LSM8: variants seen among roughly 807,000 people sequenced by gnomAD.
The protein encoded by LSM8 is LSM8 U6 small nuclear RNA associated.
A neutral mutation model predicts 15.0 loss-of-function variants in LSM8; 14 were observed. That is an observed-to-expected ratio of 0.93 (90% CI 0.62 to 1.46). LSM8 has a LOEUF of 1.46. Among genes scored for constraint, LSM8 ranks in the 40% most tolerant of loss-of-function variants. The pLI is 0.00. For missense variants in LSM8, 90 were observed against 115.4 expected, an observed-to-expected ratio of 0.78 and a Z score of 1.01; for synonymous variants, 50 against 42.1, an observed-to-expected ratio of 1.19 and a Z score of -0.73.
rs1809134609 is a variant in LSM8, at chr7:118,199,422, G to A, written c.*7420G>A. ...CATTGAACAGAATTGGTAACCTGAA[G>A]GAGAAACTGGAGGCAAATTGTTTCA... On this transcript the variant is annotated 3_prime_UTR_variant, in exon 4 of 4. Transcript: ENST00000249299. Among the ~76,000 whole-genome samples the A allele has an allele frequency of 1.3e-5, 2 of 152,248 alleles. No homozygotes were observed. The highest frequency in any genetic ancestry group is 4.1e-4 in the South Asian group (2 of 4,824).
rs538452809 is a variant in LSM8 at position 118,194,050 on chromosome 7, C to T, written c.*2048C>T. Among the ~76,000 whole-genome samples the T allele has an allele frequency of 6.0e-4, 91 of 152,228 alleles. 1 individual carries two copies. Among genetic ancestry groups the T allele is most frequent in the Non-Finnish European group, 5.9e-5 (4 of 67,950 alleles). On this transcript the variant is annotated 3_prime_UTR_variant, in exon 4 of 4. Transcript: ENST00000249299. ...CTATGTAATTCTTTATTCCTGGATA[C>T]AAGCACATGGTGGACTGTTTTCTCA...
rs565575071 is a variant in LSM8 at position 118,193,994 on chromosome 7, C to T, written c.*1992C>T. On this transcript the variant is annotated 3_prime_UTR_variant, in exon 4 of 4. Transcript: ENST00000249299. ...GAATTATTGTTTTTATGAATAGTTACAGAGGATGTGATGACAATATGCCAG... is the reference window on the plus strand; with the variant it reads ...GAATTATTGTTTTTATGAATAGTTATAGAGGATGTGATGACAATATGCCAG... 2.0e-5 allele frequency among the ~76,000 whole-genome samples: 3 copies of T among 151,976 alleles called. No homozygotes were observed. Among genetic ancestry groups the T allele is most frequent in the Non-Finnish European group, 2.9e-5 (2 of 67,938 alleles).
Position 118,194,963 on chromosome 7 carries a change from A to G in LSM8, c.*2961A>G, listed in dbSNP as rs1279623972. Reference sequence around the variant, plus strand: ...TAGTAAGTAACAGTGCTCAAATTCAACTAGGTCTTTCAGCTTTTTATACAA... The same window carrying G: ...TAGTAAGTAACAGTGCTCAAATTCAGCTAGGTCTTTCAGCTTTTTATACAA... On this transcript the variant is annotated 3_prime_UTR_variant, in exon 4 of 4. Transcript: ENST00000249299. Among the ~76,000 whole-genome samples the G allele has an allele frequency of 6.6e-6, 1 of 152,178 alleles. No homozygotes were observed. Among genetic ancestry groups the G allele is most frequent in the East Asian group, 1.9e-4 (1 of 5,196 alleles).
rs1809198651 is a variant in LSM8 at position 118,203,362 on chromosome 7, T to G, written c.*11360T>G. ...GAAGATACTAATATTTCTGATATCA[T>G]ATAGGAGTAAAAATTGCGGGGAGGT... On this transcript the variant is annotated 3_prime_UTR_variant, in exon 4 of 4. Transcript: ENST00000249299. Among the ~76,000 whole-genome samples, 1 of 151,874 alleles carries G rather than the reference T, an allele frequency of 6.6e-6. No homozygotes were observed. Among genetic ancestry groups the G allele is most frequent in the African/African-American group, 2.4e-5 (1 of 41,408 alleles).
Position 118,201,488 on chromosome 7 carries a change from C to G in LSM8, c.*9486C>G, listed in dbSNP as rs1042906712. 6.6e-6 allele frequency among the ~76,000 whole-genome samples: 1 copy of G among 152,024 alleles called. No individual in the cohort carries two copies. The highest frequency in any genetic ancestry group is 6.6e-5 in the Admixed American group (1 of 15,240). On this transcript the variant is annotated 3_prime_UTR_variant, in exon 4 of 4. Coordinates refer to ENST00000249299, the MANE Select transcript of LSM8 (RefSeq NM_016200.5). ...AAACGGTTCCTTTGCATCAATAAAT[C>G]GCTCTGTGATGCATTTTATAATGTA... is the stretch of plus-strand genomic sequence containing the variant.
rs1027290881 is a variant in LSM8, at chr7:118,194,799, C to T, written c.*2797C>T. On this transcript the variant is annotated 3_prime_UTR_variant, in exon 4 of 4. Transcript: ENST00000249299. ...ACAATATAGTTAGTATATTCTGGGCCTTCATCTTCAAAATTAGTAGGTAGT... is the reference window on the plus strand; with the variant it reads ...ACAATATAGTTAGTATATTCTGGGCTTTCATCTTCAAAATTAGTAGGTAGT... Among the ~76,000 whole-genome samples, 44 of 152,036 alleles carry T rather than the reference C, an allele frequency of 2.9e-4. No individual in the cohort carries two copies. The highest frequency in any genetic ancestry group is 1.1e-3 in the African/African-American group (44 of 41,480).
chr7:118,188,473 C>CA, intron 3 of LSM8, 68 bp downstream of exon 3: 1 of 1,395,294 alleles, frequency 7.2e-7, no homozygotes, highest in Non-Finnish European at 9.9e-7. Flanking sequence ...AGGCTTTCCC[C>CA]AAAATACCCT....
Position 118,200,587 on chromosome 7 carries a change from A to G in LSM8, c.*8585A>G, listed in dbSNP as rs189900552. Among the ~76,000 whole-genome samples the G allele has an allele frequency of 6.6e-6, 1 of 152,250 alleles. No homozygotes were observed. The highest frequency in any genetic ancestry group is 6.5e-5 in the Admixed American group (1 of 15,272). ...ATGCGGAGAACATGGCTAACCATTC[A>G]GGACCATTTAATTATCAAATTATTA... On this transcript the variant is annotated 3_prime_UTR_variant, in exon 4 of 4. Transcript: ENST00000249299.
intron 3 of LSM8, chr7:118,189,969 A>G (rs1808951430): frequency 6.6e-6 from 1 of 152,228 alleles, no homozygotes; most frequent in Non-Finnish European, 1.5e-5. Flanking sequence ...GTATAGTTAT[A>G]GAGGCTAGAA....
rs1186357341 is a variant in LSM8 at position 118,197,756 on chromosome 7, T to G, written c.*5754T>G. Among the ~76,000 whole-genome samples the G allele has an allele frequency of 6.6e-6, 1 of 152,152 alleles. No individual in the cohort carries two copies. The highest frequency in any genetic ancestry group is 6.5e-5 in the Admixed American group (1 of 15,274). ...ATTGTTGATTAGGGTCTTGGGCTAG[T>G]CCAGTGTAGCATGGCAGTGAAAGGC... On this transcript the variant is annotated 3_prime_UTR_variant, in exon 4 of 4. Transcript: ENST00000249299.
intron 3 of LSM8, chr7:118,190,966 G>GTGGTGGCATGCGCC (rs1808969692): frequency 6.6e-6 from 1 of 152,146 alleles, no homozygotes; most frequent in Non-Finnish European, 1.5e-5. Context: ...TTAGCCGGGT[G>GTGGTGGCATGCGCC]TGGTGGCATG....
intron 3 of LSM8, chr7:118,190,029 T>A (rs937708046): frequency 6.6e-6 from 1 of 152,088 alleles, no homozygotes; most frequent in Non-Finnish European, 1.5e-5. Flanking sequence ...CAAAATATAG[T>A]TGGAAAGAAG....
chr7:118,194,982 T>G lies in LSM8; in HGVS notation c.*2980T>G, dbSNP rs1050859123. On this transcript the variant is annotated 3_prime_UTR_variant, in exon 4 of 4. Transcript: ENST00000249299. ...AATTCAACTAGGTCTTTCAGCTTTT[T>G]ATACAATACTGCCTGTTATCAGAAA... Among the ~76,000 whole-genome samples, 1 of 152,200 alleles carries G rather than the reference T, an allele frequency of 6.6e-6. No individual in the cohort carries two copies. The highest frequency in any genetic ancestry group is 2.4e-5 in the African/African-American group (1 of 41,456).
chr7:118,184,194 G>T lies in LSM8; in HGVS notation c.-30G>T. ...AGTTCTGCTTGCTGTCGGCACCGCTGCGTTACCCGGAACCGCCGGGCCGAA... is the reference window on the plus strand; with the variant it reads ...AGTTCTGCTTGCTGTCGGCACCGCTTCGTTACCCGGAACCGCCGGGCCGAA... On this transcript the variant is annotated 5_prime_UTR_variant, in exon 1 of 4. Transcript: ENST00000249299. The T allele has an allele frequency of 1.3e-6, 2 of 1,543,628 alleles. No homozygotes were observed. The highest frequency in any genetic ancestry group is 1.7e-6 in the Non-Finnish European group (2 of 1,143,412).
At position 118,198,242 on chromosome 7, in the gene LSM8, GTTAGA is replaced by G. The variant is rs1373376333; in HGVS notation, c.*6243_*6247del. ...GTCAAAGTGATTAAGTTATAAAAAG[GTTAGA>G]TTTCTTTGGTGTGAAAAGATAAATG... is the stretch of plus-strand genomic sequence containing the variant. On this transcript the variant is annotated 3_prime_UTR_variant, in exon 4 of 4. Transcript: ENST00000249299. Among the ~76,000 whole-genome samples the G allele has an allele frequency of 6.6e-6, 1 of 152,172 alleles. No individual in the cohort carries two copies. Among genetic ancestry groups the G allele is most frequent in the Non-Finnish European group, 1.5e-5 (1 of 68,030 alleles).
chr7:118,200,159 C>T lies in LSM8; in HGVS notation c.*8157C>T. ...TCAAGCAACATGTTTTTCTGACTTC[C>T]AAATATAAACAACCTAAGCATTGTG... On this transcript the variant is annotated 3_prime_UTR_variant, in exon 4 of 4. Transcript: ENST00000249299. Among the ~76,000 whole-genome samples, 1 of 152,104 alleles carries T rather than the reference C, an allele frequency of 6.6e-6. No homozygotes were observed. Among genetic ancestry groups the T allele is most frequent in the East Asian group, 1.9e-4 (1 of 5,188 alleles).
rs1200159305 is a variant in LSM8 at position 118,198,215 on chromosome 7, G to C, written c.*6213G>C. Among the ~76,000 whole-genome samples the C allele has an allele frequency of 6.6e-6, 1 of 152,138 alleles. No individual in the cohort carries two copies. The highest frequency in any genetic ancestry group is 1.5e-5 in the Non-Finnish European group (1 of 68,018). ...GAGAAAGTACAGAAAGGAGCAACCA[G>C]AGTCAAAGTGATTAAGTTATAAAAA... is the stretch of plus-strand genomic sequence containing the variant. On this transcript the variant is annotated 3_prime_UTR_variant, in exon 4 of 4. Transcript: ENST00000249299.
At position 118,192,059 on chromosome 7, in the gene LSM8, A is replaced by G; in HGVS notation, c.*57A>G. 7.3e-7 allele frequency: 1 copy of G among 1,361,116 alleles called. No homozygotes were observed. Among genetic ancestry groups the G allele is most frequent in the Middle Eastern group, 1.8e-4 (1 of 5,488 alleles). The allele number at this position is 1,361,116 out of a possible 1,614,324, so 84.3% of individuals were successfully genotyped here. A position where few individuals can be genotyped will look rare whatever the true frequency, so the allele number is the denominator to read the frequency against. On this transcript the variant is annotated 3_prime_UTR_variant, in exon 4 of 4. Transcript: ENST00000249299. ...CTTTGTACAGAAACTGATTATTCTG[A>G]GGATGATATATGGAGTTTTTATGAG...
chr7:118,191,309 A>G (rs1053715785), intron 3 of LSM8: 1 of 152,294 alleles, frequency 6.6e-6, no homozygotes. Context: ...TGAACAAGAA[A>G]AAATTTTCTA....
Sources: allele counts gnomAD v4.1 joint callset (sites outside exome capture counted in the v4.1 genomes callset), GRCh38; gene constraint gnomAD v4.1.1; transcripts MANE v1.5; gene names NCBI Gene and HGNC (gene_info 2026-07-23, HGNC 2026-07-21).